ARHGAP4: variants seen among roughly 807,000 people sequenced by gnomAD.
ARHGAP4 encodes the protein Rho GTPase activating protein 4.
In ARHGAP4, 25 loss-of-function variants were observed where a neutral mutation model predicts 67.6. The observed-to-expected ratio is 0.37, with a 90% CI of 0.27 to 0.52. ARHGAP4 has a LOEUF of 0.52. Ranked by LOEUF, ARHGAP4 falls within the 20% of genes least tolerant of loss-of-function variation. The pLI, the probability that ARHGAP4 is intolerant of heterozygous loss-of-function variation, is 0.92. For missense variants in ARHGAP4, 804 were observed against 854.6 expected (o/e 0.94, Z 0.74); for synonymous variants, 448 against 373.7 (o/e 1.20, Z -2.29).
At chrX:153,926,013 C>T in intron 1 of ARHGAP4, 123 bp downstream of exon 1, 3 of 1,009,760 alleles carry the variant, frequency 3.0e-6, no homozygotes, top group Non-Finnish European at 4.0e-6. Context: ...CCTCCTCCAC[C>T]CCCGCTCCAG....
rs181311092 is a variant in ARHGAP4 at position 153,911,858 on chromosome X, T to C, written c.1543-669A>G. Among the ~76,000 whole-genome samples the C allele has an allele frequency of 1.2e-3, 134 of 108,127 alleles. 1 individual carries two copies. The highest frequency in any genetic ancestry group is 4.2e-3 in the African/African-American group (123 of 29,578). 93.9% of individuals were successfully genotyped at this position (108,127 alleles called of 115,157 possible). ...GTGGGAGGTGAAGGTTGCAGGGAGC[T>C]GAGATCGTGCCACTGCACTCCAGCC... On this transcript the variant is annotated intron_variant, in intron 12 of 21. Transcript: ENST00000350060.
rs782804914 is a variant in ARHGAP4, at chrX:153,909,734, C to T, written c.2414+7G>A. ...AGCCCTGGGGCCTGAGGGCGCGGCT[C>T]ACTCACCCGGCGGGCAGCGTGATAT... is the stretch of plus-strand genomic sequence containing the variant. On this transcript the variant is annotated splice_region_variant and intron_variant, in intron 19 of 21. Coordinates refer to ENST00000350060, the MANE Select transcript of ARHGAP4 (RefSeq NM_001666.5). The T allele has an allele frequency of 5.9e-6, 7 of 1,181,438 alleles. No individual in the cohort carries two copies. In the East Asian group the frequency reaches 2.1e-4, roughly 36 times the overall value.
chrX:153,912,850 G>C, intron 11 of ARHGAP4, 48 bp from the exon 12 acceptor site: 1 of 1,129,308 alleles, frequency 8.9e-7, no homozygotes, highest in Non-Finnish European at 1.2e-6. Flanking sequence ...GTGGAGAATA[G>C]GGTGCCCCAC....
chrX:153,909,545 G>A lies in ARHGAP4; in HGVS notation c.2415-10C>T. The A allele has an allele frequency of 8.4e-7, 1 of 1,196,122 alleles. No individual in the cohort carries two copies. The highest frequency in any genetic ancestry group is 1.1e-6 in the Non-Finnish European group (1 of 888,523). On this transcript the variant is annotated splice_polypyrimidine_tract_variant and intron_variant, in intron 19 of 21. Coordinates refer to ENST00000350060, the MANE Select transcript of ARHGAP4 (RefSeq NM_001666.5). ...CACCTGCTTCTCCGTCCTGCGGTGG[G>A]AAGGACCGGCCTGTTTCGAGTGCTC...
chrX:153,909,603 C>T (rs1315455905), intron 19 of ARHGAP4, 68 bp from the exon 20 acceptor site: 9 of 1,113,577 alleles, frequency 8.1e-6, no homozygotes, highest in East Asian at 3.2e-5. Flanking sequence ...CCAGCAGCTC[C>T]GCGCCAGCCA....
intron 7 of ARHGAP4, among the ~76,000 whole-genome samples, chrX:153,915,079 C>A (rs73640841): frequency 2.4e-3 from 272 of 112,138 alleles, no homozygotes; most frequent in African/African-American, 8.5e-3. Context: ...AGATGGGCTC[C>A]AACATGGCTG....
At chrX:153,921,958 G>A in intron 1 of ARHGAP4, 149 bp from the exon 2 acceptor site, 15 of 849,697 alleles carry the variant, frequency 1.8e-5, no homozygotes, top group Non-Finnish European at 2.4e-5. Context: ...GAGGGCAAGA[G>A]CTAAGAGGGG....
At chrX:153,920,573 T>C in intron 5 of ARHGAP4, 53 bp downstream of exon 5, 3 of 1,127,226 alleles carry the variant, frequency 2.7e-6, no homozygotes, top group Non-Finnish European at 3.5e-6. Flanking sequence ...CAGCAGGTCC[T>C]AGTTAGGGCC....
chrX:153,918,746 G>A (rs1360847578), intron 7 of ARHGAP4, 86 bp downstream of exon 7: 6 of 1,003,938 alleles, frequency 6.0e-6, no homozygotes, highest in African/African-American at 1.9e-5. Context: ...TTGGATTCCT[G>A]AGCAAAGTGT....
Position 153,918,825 on chromosome X carries a change from C to A in ARHGAP4, c.1032+7G>T. On this transcript the variant is annotated splice_region_variant and intron_variant, in intron 7 of 21. Coordinates refer to ENST00000350060, the MANE Select transcript of ARHGAP4 (RefSeq NM_001666.5). The stretch of plus-strand genomic sequence containing the variant: ...GAATGCCAAGCCCAGCAGGGGGTGA[C>A]CCTCACCTCATCCCCATCATGGGGG... 8.3e-7 allele frequency: 1 copy of A among 1,208,830 alleles called. No homozygotes were observed. Among genetic ancestry groups the A allele is most frequent in the South Asian group, 1.8e-5 (1 of 56,875 alleles).
chrX:153,921,254 C>CA, intron 3 of ARHGAP4, 95 bp from the exon 4 acceptor site: 12 of 1,178,064 alleles, frequency 1.0e-5, no homozygotes, highest in Non-Finnish European at 1.4e-5. Context: ...CGGGGGGGCA[C>CA]ACAGGTTCGC....
In ARHGAP4 at chrX:153,926,142, C is replaced by T; in HGVS notation, c.61G>A (p.Val21Ile). Residue 21 changes from valine to isoleucine, a missense_variant, in exon 1 of 22, where the codon GTC becomes ATC. Transcript: ENST00000350060. Reference protein sequence around the residue: ...RGLQAEYETQVKEMRWQLSEQ... With the variant: ...RGLQAEYETQIKEMRWQLSEQ... ...GCGCCCGGCGCCCTCTCACCTTTGA[C>T]TTGCGTCTCATACTCAGCCTGCAGC... The T allele has an allele frequency of 8.3e-7, 1 of 1,205,304 alleles. No individual in the cohort carries two copies. The highest frequency in any genetic ancestry group is 1.1e-6 in the Non-Finnish European group (1 of 892,269).
chrX:153,925,836 G>C (rs1557106078), intron 1 of ARHGAP4, among the ~76,000 whole-genome samples: 1 of 113,158 alleles, frequency 8.8e-6, no homozygotes, highest in African/African-American at 3.2e-5. Context: ...GGTGCATCTG[G>C]CTCTCTTTTA....
chrX:153,921,003 G>A, intron 4 of ARHGAP4, 94 bp downstream of exon 4: 1 of 1,083,658 alleles, frequency 9.2e-7, no homozygotes, highest in South Asian at 2.0e-5. Flanking sequence ...CCTGGCTTGG[G>A]GTGATGTGAT....
chrX:153,921,467 C>T lies in ARHGAP4; in HGVS notation c.333G>A (p.Arg111=), dbSNP rs2148527233. ...HCWAVLLQHT[R]QQSRESAALS... is the part of the protein sequence containing the mutation. ...GGGCCGCGCTCTCCCGGCTCTGCTG[C>T]CGCGTGTGCTGCAGCAGCACCGCCC... is the stretch of plus-strand genomic sequence containing the variant. The change falls in exon 3 of 22, where the codon CGG becomes CGA. Residue 111 remains arginine, a synonymous_variant. Coordinates refer to ENST00000350060, the MANE Select transcript of ARHGAP4 (RefSeq NM_001666.5). 1 of 1,203,235 alleles carries T rather than the reference C, an allele frequency of 8.3e-7. No individual in the cohort carries two copies. The highest frequency in any genetic ancestry group is 1.8e-5 in the South Asian group (1 of 55,658).
chrX:153,912,875 A>T (rs2065030551), intron 11 of ARHGAP4, 73 bp from the exon 12 acceptor site: 1 of 1,112,685 alleles, frequency 9.0e-7, no homozygotes, highest in South Asian at 2.0e-5. Flanking sequence ...CAGGCCAGCC[A>T]AGCCGGCCTC....
intron 1 of ARHGAP4, among the ~76,000 whole-genome samples, chrX:153,924,919 A>G (rs191100598): frequency 6.2e-5 from 7 of 112,014 alleles, no homozygotes; most frequent in Admixed American, 3.8e-4. Flanking sequence ...CAAGACAGTG[A>G]CCCCACTTTG....
At chrX:153,924,188 G>C (rs1244278461) in intron 1 of ARHGAP4, among the ~76,000 whole-genome samples, 1 of 111,826 alleles carries the variant, frequency 8.9e-6, no homozygotes, top group African/African-American at 3.3e-5. Flanking sequence ...GCTTCCCCCA[G>C]AGGAATACAA....
intron 5 of ARHGAP4, among the ~76,000 whole-genome samples, chrX:153,920,076 C>G (rs1244052432): frequency 8.9e-6 from 1 of 112,155 alleles, no homozygotes; most frequent in Admixed American, 9.4e-5. Flanking sequence ...TGAGTCACCG[C>G]ACCTGGCTAA....
Sources: gnomAD v4.1 joint callset for allele counts (sites outside exome capture counted in the v4.1 genomes callset) on GRCh38, gnomAD v4.1.1 for gene constraint, MANE v1.5 for transcripts, NCBI Gene and HGNC (gene_info 2026-07-23, HGNC 2026-07-21) for gene names.